Variants in CNIH3 observed in about 807,000 individuals in gnomAD.
The protein encoded by CNIH3 is cornichon family AMPA receptor auxiliary protein 3.
CNIH3 carries 14 observed loss-of-function variants against 24.1 expected under a neutral mutation model. That is an observed-to-expected ratio of 0.58 (90% CI 0.38 to 0.91). The LOEUF (loss-of-function observed/expected upper bound fraction) is 0.91, where lower values mean the gene tolerates loss of function less well. CNIH3 is among the 40% of genes least tolerant of loss of function. CNIH3 has a pLI of 0.00. For missense variants in CNIH3, 178 were observed against 196.8 expected, an observed-to-expected ratio of 0.90 and a Z score of 0.57; for synonymous variants, 68 against 73.8, an observed-to-expected ratio of 0.92 and a Z score of 0.40.
intron 1 of CNIH3, among the ~76,000 whole-genome samples, chr1:224,618,239 C>T (rs967434219): frequency 6.6e-6 from 1 of 152,246 alleles, no homozygotes; most frequent in African/African-American, 2.4e-5. Flanking sequence ...CCTATCCTCA[C>T]CCTCAGAGGG....
At chr1:224,435,136 T>C (rs1674590664) in intron 1 of CNIH3, 3 of 985,770 alleles carry the variant, frequency 3.0e-6, no homozygotes, top group Non-Finnish European at 2.4e-6. Flanking sequence ...CAGTGTGGCA[T>C]GGGCATGTAA....
chr1:224,551,890 A>G (rs1679937655), intron 3 of CNIH3, among the ~76,000 whole-genome samples: 1 of 151,104 alleles, frequency 6.6e-6, no homozygotes, highest in Non-Finnish European at 1.5e-5. Context: ...GTAATATCTA[A>G]GGGAGTTATA....
intron 3 of CNIH3, among the ~76,000 whole-genome samples, chr1:224,721,071 G>A (rs770960879): frequency 5.3e-5 from 8 of 151,992 alleles, no homozygotes; most frequent in African/African-American, 7.3e-5. Flanking sequence ...TTCCTCCTGC[G>A]TCGAGTGCTC....
At chr1:224,548,778 T>G (rs944909595) in intron 3 of CNIH3, among the ~76,000 whole-genome samples, 2 of 151,440 alleles carry the variant, frequency 1.3e-5, no homozygotes, top group African/African-American at 4.8e-5. Context: ...ACCCTGTGTG[T>G]ACACCCTGGC....
intron 3 of CNIH3, among the ~76,000 whole-genome samples, chr1:224,547,182 G>A (rs913452878): frequency 2.0e-5 from 3 of 152,178 alleles, no homozygotes; most frequent in African/African-American, 7.2e-5. Context: ...AATAAAGAGG[G>A]CCCTGTAATT....
chr1:224,679,911 T>C (rs1232740882), intron 1 of CNIH3, among the ~76,000 whole-genome samples: 1 of 152,094 alleles, frequency 6.6e-6, no homozygotes, highest in East Asian at 1.9e-4. Context: ...TATTTTCCTT[T>C]TTTTCTCCTG....
chr1:224,643,304 G>C (rs1370471108), intron 1 of CNIH3, among the ~76,000 whole-genome samples: 5 of 152,222 alleles, frequency 3.3e-5, no homozygotes, highest in African/African-American at 9.7e-5. Flanking sequence ...CAGTACGGTG[G>C]TTTCTGTGTC....
chr1:224,577,663 A>C (rs1231524468), intron 4 of CNIH3, among the ~76,000 whole-genome samples: 1 of 152,208 alleles, frequency 6.6e-6, no homozygotes, highest in East Asian at 1.9e-4. Flanking sequence ...AGATTTTTTA[A>C]AGAACTGAAA....
At chr1:224,483,751 T>C (rs1003781330) in intron 1 of CNIH3, among the ~76,000 whole-genome samples, 1 of 152,114 alleles carries the variant, frequency 6.6e-6, no homozygotes, top group Non-Finnish European at 1.5e-5. Flanking sequence ...TTAAATTTGG[T>C]GTTCCTGTGG....
At chr1:224,440,163 C>T (rs767329259) in intron 1 of CNIH3, among the ~76,000 whole-genome samples, 8 of 152,070 alleles carry the variant, frequency 5.3e-5, no homozygotes, top group Non-Finnish European at 7.4e-5. Flanking sequence ...CCTCATGGTC[C>T]GCCTGCCTCG....
At chr1:224,570,237 T>A (rs1472577821) in intron 4 of CNIH3, among the ~76,000 whole-genome samples, 1 of 152,234 alleles carries the variant, frequency 6.6e-6, no homozygotes, top group Non-Finnish European at 1.5e-5. Flanking sequence ...TATTATGCGC[T>A]GCTGCAGTTT....
chr1:224,660,026 C>A (rs912987308), intron 1 of CNIH3, among the ~76,000 whole-genome samples: 7 of 152,198 alleles, frequency 4.6e-5, no homozygotes. Flanking sequence ...TTTTTCACAT[C>A]TCTCTCCCCT....
intron 1 of CNIH3, among the ~76,000 whole-genome samples, chr1:224,622,418 G>C (rs1001336090): frequency 1.3e-5 from 2 of 152,180 alleles, no homozygotes; most frequent in African/African-American, 4.8e-5. Context: ...GTAATGTCTG[G>C]ATTGATGCAT....
At chr1:224,671,968 A>G (rs1012972920) in intron 1 of CNIH3, among the ~76,000 whole-genome samples, 3 of 151,918 alleles carry the variant, frequency 2.0e-5, no homozygotes, top group Admixed American at 2.0e-4. Flanking sequence ...TCAAGGCTGT[A>G]CTAGTTTCAG....
chr1:224,527,828 A>G (rs1171436150), intron 2 of CNIH3, among the ~76,000 whole-genome samples: 2 of 152,228 alleles, frequency 1.3e-5, no homozygotes, highest in Non-Finnish European at 2.9e-5. Flanking sequence ...TTATGTGTCA[A>G]TTACAAATAT....
At chr1:224,724,276 T>C (rs983290846) in intron 3 of CNIH3, among the ~76,000 whole-genome samples, 1 of 152,186 alleles carries the variant, frequency 6.6e-6, no homozygotes, top group Non-Finnish European at 1.5e-5. Flanking sequence ...TACTGTATCA[T>C]GCCATTTGAG....
intron 3 of CNIH3, among the ~76,000 whole-genome samples, chr1:224,708,902 A>G (rs1687976441): frequency 6.6e-6 from 1 of 152,168 alleles, no homozygotes; most frequent in African/African-American, 2.4e-5. Context: ...GACTCATTTA[A>G]TATTTTAGGA....
chr1:224,530,720 C>T (rs1291848992), intron 2 of CNIH3, among the ~76,000 whole-genome samples: 1 of 152,136 alleles, frequency 6.6e-6, no homozygotes, highest in Non-Finnish European at 1.5e-5. Flanking sequence ...CTGCCTCAGC[C>T]TCCCAAGTAG....
upstream of CNIH3, among the ~76,000 whole-genome samples, chr1:224,613,831 C>T (rs995091857): frequency 4.6e-5 from 7 of 152,032 alleles, 1 homozygote; most frequent in South Asian, 4.1e-4. Flanking sequence ...GCCTGCAGAA[C>T]GGTGAGCCAA....
Sources: gnomAD v4.1 joint callset for allele counts (sites outside exome capture counted in the v4.1 genomes callset) on GRCh38, gnomAD v4.1.1 for gene constraint, MANE v1.5 for transcripts, NCBI Gene and HGNC (gene_info 2026-07-23, HGNC 2026-07-21) for gene names.